RBFOX3: variants seen among roughly 807,000 people sequenced by gnomAD.
The protein encoded by RBFOX3 is RNA binding protein fox-1 homolog 3.
Under a neutral mutation model 48.7 loss-of-function variants are expected in RBFOX3, and 17 were observed. The observed-to-expected ratio is 0.35, with a 90% CI of 0.24 to 0.52. RBFOX3 has a LOEUF of 0.52. RBFOX3 is among the 20% of genes least tolerant of loss of function. The probability of loss-of-function intolerance (pLI) is 0.94; values close to 1 mark genes in which losing one functional copy is unlikely to be tolerated. For synonymous variants in RBFOX3, 212 were observed against 209.5 expected, an observed-to-expected ratio of 1.01 and a Z score of -0.10; for missense variants, 382 against 497.5, an observed-to-expected ratio of 0.77 and a Z score of 2.21.
chr17:79,207,917 T>C (rs773441751), intron 4 of RBFOX3, among the ~76,000 whole-genome samples: 11 of 152,310 alleles, frequency 7.2e-5, no homozygotes, highest in Non-Finnish European at 1.6e-4. Context: ...GCTATACAAT[T>C]AATCAATGTT....
At chr17:79,354,482 ATACTC>A (rs2084584086) in intron 2 of RBFOX3, among the ~76,000 whole-genome samples, 1 of 152,236 alleles carries the variant, frequency 6.6e-6, no homozygotes, top group Non-Finnish European at 1.5e-5. Flanking sequence ...GCATCTACAG[ATACTC>A]TCAGTGGTTC....
intron 2 of RBFOX3, among the ~76,000 whole-genome samples, chr17:79,326,153 G>T (rs1306058306): frequency 6.6e-6 from 1 of 152,162 alleles, no homozygotes; most frequent in African/African-American, 2.4e-5. Context: ...TGGCATTGGG[G>T]GTAAGGGCAT....
At chr17:79,107,546 C>T (rs1214667149) in intron 5 of RBFOX3, among the ~76,000 whole-genome samples, 1 of 152,232 alleles carries the variant, frequency 6.6e-6, no homozygotes, top group Non-Finnish European at 1.5e-5. Context: ...CCTGCGTGGT[C>T]TTCTCCAGTG....
chr17:79,524,368 T>C (rs1328334646), intron 1 of RBFOX3, among the ~76,000 whole-genome samples: 1 of 152,054 alleles, frequency 6.6e-6, no homozygotes, highest in African/African-American at 2.4e-5. Context: ...AGACCTCTCC[T>C]CCCCCAGCTT....
chr17:79,568,374 G>A (rs2092545353), intron 1 of RBFOX3, among the ~76,000 whole-genome samples: 1 of 152,118 alleles, frequency 6.6e-6, no homozygotes, highest in Non-Finnish European at 1.5e-5. Context: ...CTGACATGAT[G>A]CTCAAAGCAA....
intron 4 of RBFOX3, among the ~76,000 whole-genome samples, chr17:79,163,933 T>G (rs1459402967): frequency 1.3e-5 from 2 of 152,176 alleles, no homozygotes; most frequent in Non-Finnish European, 2.9e-5. Flanking sequence ...TGGGGCCAAT[T>G]GGAGGGTGGG....
chr17:79,249,133 T>G lies in RBFOX3; in HGVS notation c.-73-13328A>C, dbSNP rs1236126465. Among the ~76,000 whole-genome samples the G allele has an allele frequency of 6.6e-6, 1 of 152,022 alleles. No individual in the cohort carries two copies. Among genetic ancestry groups the G allele is most frequent in the Non-Finnish European group, 1.5e-5 (1 of 67,996 alleles). The stretch of plus-strand genomic sequence containing the variant: ...AAGGACTCCTGAGGCCACTAACCCT[T>G]CCAAGCCCTGCAAAACCATCTCTGG... On this transcript the variant is annotated intron_variant, in intron 3 of 14. Transcript: ENST00000693108. This position sits in a 1 kb window ranked among gnomAD's most constrained non-coding sequence, Gnocchi z 4.1.
intron 4 of RBFOX3, among the ~76,000 whole-genome samples, chr17:79,222,297 A>G (rs2059833837): frequency 1.3e-5 from 2 of 151,762 alleles, no homozygotes; most frequent in Admixed American, 1.3e-4. Flanking sequence ...CCCTGGCCAG[A>G]AGGTACAGAG....
At chr17:79,521,926 G>C (rs1303719583) in intron 1 of RBFOX3, among the ~76,000 whole-genome samples, 1 of 152,188 alleles carries the variant, frequency 6.6e-6, no homozygotes, top group Admixed American at 6.5e-5. Context: ...GTGGACATGG[G>C]AGTTTTTCAG....
rs182231807 is a variant in RBFOX3 at position 79,131,581 on chromosome 17, C to T, written c.-33-15833G>A. ...CCAAACCTGGGCCTGGTCTCTCACA[C>T]GTTAGGAAGCCACGGATCATGTTTT... On this transcript the variant is annotated intron_variant, in intron 4 of 14. Coordinates refer to ENST00000693108, the MANE Select transcript of RBFOX3 (RefSeq NM_001350451.2). 2.6e-5 allele frequency among the ~76,000 whole-genome samples: 4 copies of T among 152,362 alleles called. No homozygotes were observed. In the East Asian group the frequency reaches 5.8e-4, roughly 22 times the overall value.
chr17:79,366,140 T>C (rs1304943071), intron 2 of RBFOX3, among the ~76,000 whole-genome samples: 1 of 152,196 alleles, frequency 6.6e-6, no homozygotes, highest in African/African-American at 2.4e-5. Flanking sequence ...GAGGCATCAA[T>C]CAACCCGGTC....
intron 2 of RBFOX3, among the ~76,000 whole-genome samples, chr17:79,317,148 A>G (rs1319550246): frequency 6.6e-6 from 1 of 151,912 alleles, no homozygotes; most frequent in African/African-American, 2.4e-5. Flanking sequence ...CCTCATTCAG[A>G]CAAAGAGGTG....
chr17:79,116,628 C>T (rs1349639114), intron 4 of RBFOX3, among the ~76,000 whole-genome samples: 1 of 152,264 alleles, frequency 6.6e-6, no homozygotes, highest in Non-Finnish European at 1.5e-5. Flanking sequence ...AACTCAGGGC[C>T]TCCTGCCTCC....
At chr17:79,135,276 G>A (rs2039923957) in intron 4 of RBFOX3, among the ~76,000 whole-genome samples, 2 of 152,200 alleles carry the variant, frequency 1.3e-5, no homozygotes, top group Admixed American at 1.3e-4. Flanking sequence ...GAAGGCGGTG[G>A]GGTCCTGGGG....
chr17:79,657,974 G>A, the RBFOX3 span, among the ~76,000 whole-genome samples: 1 of 152,066 alleles, frequency 6.6e-6, no homozygotes, highest in Non-Finnish European at 1.5e-5. Context: ...AAGACGAAAC[G>A]ACCCCAGGCT....
intron 4 of RBFOX3, among the ~76,000 whole-genome samples, chr17:79,152,266 G>A (rs146674157): frequency 7.2e-5 from 11 of 152,226 alleles, no homozygotes; most frequent in South Asian, 2.1e-4. Flanking sequence ...GGCCACCCCC[G>A]GGGCGAGACT....
chr17:79,521,685 ACT>A (rs1232935627), intron 1 of RBFOX3, among the ~76,000 whole-genome samples: 6 of 151,942 alleles, frequency 3.9e-5, no homozygotes, highest in Admixed American at 6.6e-5. Context: ...TCACAGACAC[ACT>A]CATACTCACA....
chr17:79,316,993 C>T (rs80014458), intron 2 of RBFOX3, among the ~76,000 whole-genome samples: 5,991 of 152,286 alleles, frequency 0.039, 120 homozygotes, highest in East Asian at 0.096. Flanking sequence ...TGCATGTGCA[C>T]GCACACACAC....
At chr17:79,563,129 T>A (rs2092315311) in intron 1 of RBFOX3, among the ~76,000 whole-genome samples, 1 of 151,594 alleles carries the variant, frequency 6.6e-6, no homozygotes, top group Non-Finnish European at 1.5e-5. Context: ...ATGAAGCGGA[T>A]CTCAGAAAAC....
Sources: allele counts gnomAD v4.1 joint callset (sites outside exome capture counted in the v4.1 genomes callset), GRCh38; gene constraint gnomAD v4.1.1; non-coding constraint Gnocchi (gnomAD v3.1); transcripts MANE v1.5; gene names NCBI Gene and HGNC (gene_info 2026-07-23, HGNC 2026-07-21).